The following PTPRM variants were observed in gnomAD, a reference collection of about 807,000 sequenced individuals.
The protein encoded by PTPRM is receptor-type tyrosine-protein phosphatase mu.
Under a neutral mutation model 186.7 loss-of-function variants are expected in PTPRM, and 47 were observed. The observed-to-expected ratio is 0.25, with a 90% CI of 0.20 to 0.32. The LOEUF is 0.32. PTPRM is among the 10% of genes least tolerant of loss of function. The probability of loss-of-function intolerance (pLI) is 1.00; values close to 1 mark genes in which losing one functional copy is unlikely to be tolerated. For synonymous variants in PTPRM, 668 were observed against 674.9 expected, an observed-to-expected ratio of 0.99 and a Z score of 0.16; for missense variants, 1,494 against 1,865.0, an observed-to-expected ratio of 0.80 and a Z score of 3.66.
intron 14 of PTPRM, among the ~76,000 whole-genome samples, chr18:8,185,614 C>A (rs572565164): frequency 2.0e-5 from 3 of 152,158 alleles, no homozygotes; most frequent in Non-Finnish European, 4.4e-5. Context: ...CCGTACAGAG[C>A]GATTTGAACT....
intron 13 of PTPRM, among the ~76,000 whole-genome samples, chr18:8,135,867 G>T (rs1220943285): frequency 6.6e-6 from 1 of 152,178 alleles, no homozygotes; most frequent in Non-Finnish European, 1.5e-5. Context: ...CTTCTAGCAA[G>T]CATACAGAAT....
intron 14 of PTPRM, among the ~76,000 whole-genome samples, chr18:8,214,414 C>T (rs547283940): frequency 6.6e-6 from 1 of 152,238 alleles, no homozygotes; most frequent in South Asian, 2.1e-4. Flanking sequence ...AAAATTTGAG[C>T]AATGGTGTTT....
At chr18:7,652,949 G>A (rs1036368977) in intron 1 of PTPRM, among the ~76,000 whole-genome samples, 3 of 151,566 alleles carry the variant, frequency 2.0e-5, no homozygotes, top group Non-Finnish European at 2.9e-5. Context: ...CCAAATATAC[G>A]ATTCTTAAAA....
intron 14 of PTPRM, among the ~76,000 whole-genome samples, chr18:8,175,904 C>G (rs2093473392): frequency 1.3e-5 from 2 of 152,136 alleles, no homozygotes; most frequent in Admixed American, 1.3e-4. Flanking sequence ...ACTGTCTGCC[C>G]CATGCTGCTG....
Position 7,772,438 on chromosome 18 carries a change from CCCTTCCCCTT to C in PTPRM, c.74-1704_74-1695del, listed in dbSNP as rs1287740177. Reference sequence around the variant, plus strand: ...TTTCTTTCTTTCTCCCTTCCCCTTCCCCTTCCCCTTCCTTCCTTCCTTCCTTCCTTCCTTC... The same window carrying C: ...TTTCTTTCTTTCTCCCTTCCCCTTCCCCTTCCTTCCTTCCTTCCTTCCTTC... On this transcript the variant is annotated intron_variant, in intron 1 of 32. Coordinates refer to ENST00000580170, the MANE Select transcript of PTPRM (RefSeq NM_001105244.2). Among the ~76,000 whole-genome samples, 20 of 124,494 alleles carry C rather than the reference CCCTTCCCCTT, an allele frequency of 1.6e-4. 1 individual carries two copies. Among genetic ancestry groups the C allele is most frequent in the Non-Finnish European group, 2.9e-4 (18 of 62,324 alleles). 81.7% of individuals were successfully genotyped at this position (124,494 alleles called of 152,430 possible).
rs138251214 is a variant in PTPRM, at chr18:7,784,957, G to A, written c.196+10686G>A. On this transcript the variant is annotated intron_variant, in intron 2 of 32. Transcript: ENST00000580170. ...CAAGGGGAAGGCTTCCAGGAGGTGG[G>A]AGCACCCAAGAGGGGCAAGAGAAGG... Among the ~76,000 whole-genome samples the A allele has an allele frequency of 2.9e-3, 447 of 152,282 alleles. 4 individuals carry two copies. The East Asian group carries it at 0.031, about 11-fold the overall frequency.
chr18:8,055,749 G>T (rs762602111), intron 7 of PTPRM, among the ~76,000 whole-genome samples: 5 of 152,192 alleles, frequency 3.3e-5, no homozygotes, highest in African/African-American at 9.7e-5. Context: ...CTATATTTAT[G>T]TATCAGTGTG....
chr18:8,023,159 G>A lies in PTPRM; in HGVS notation c.1133-46527G>A, dbSNP rs141677749. Reference sequence around the variant, plus strand: ...ATTGTAAGTGACAGGGAGGATCGTGGATGGGATAAGCCAGGCTACCCCAGC... The same window carrying A: ...ATTGTAAGTGACAGGGAGGATCGTGAATGGGATAAGCCAGGCTACCCCAGC... On this transcript the variant is annotated intron_variant, in intron 7 of 32. Transcript: ENST00000580170. 3.6e-3 allele frequency among the ~76,000 whole-genome samples: 546 copies of A among 152,226 alleles called. 3 individuals are homozygous for A. The highest frequency in any genetic ancestry group is 6.2e-3 in the Non-Finnish European group (420 of 68,014).
chr18:7,651,837 C>T (rs2038713145), intron 1 of PTPRM, among the ~76,000 whole-genome samples: 1 of 152,098 alleles, frequency 6.6e-6, no homozygotes, highest in South Asian at 2.1e-4. Context: ...AGGACATAGG[C>T]ATGGGCAAGG....
At chr18:8,037,895 G>A (rs2086435561) in intron 7 of PTPRM, among the ~76,000 whole-genome samples, 1 of 152,102 alleles carries the variant, frequency 6.6e-6, no homozygotes, top group African/African-American at 2.4e-5. Flanking sequence ...GATCAGTGAT[G>A]TTTATCTAAT....
rs1285368359 is a variant in PTPRM at position 8,091,519 on chromosome 18, T to C, written c.1856+2668T>C. The stretch of plus-strand genomic sequence containing the variant: ...CATCTTTATTGGAAGGATGCCTATC[T>C]TAAATGGGTAAATCGTGTTGGCACA... On this transcript the variant is annotated intron_variant, in intron 11 of 32. Transcript: ENST00000580170. 2.0e-5 allele frequency among the ~76,000 whole-genome samples: 3 copies of C among 152,256 alleles called. No homozygotes were observed. The East Asian group carries it at 5.8e-4, about 29-fold the overall frequency.
At chr18:7,801,730 C>T (rs1334949803) in intron 2 of PTPRM, among the ~76,000 whole-genome samples, 1 of 152,144 alleles carries the variant, frequency 6.6e-6, no homozygotes, top group Non-Finnish European at 1.5e-5. Flanking sequence ...CACTGCGTTG[C>T]ACTATGATAG....
intron 2 of PTPRM, among the ~76,000 whole-genome samples, chr18:7,866,785 G>A (rs1019022520): frequency 6.6e-6 from 1 of 152,032 alleles, no homozygotes; most frequent in Admixed American, 6.6e-5. Flanking sequence ...TTGACAGTGG[G>A]GTGTTAAAGT....
chr18:7,773,207 T>TAA (rs969828456), intron 1 of PTPRM, among the ~76,000 whole-genome samples: 1 of 152,152 alleles, frequency 6.6e-6, no homozygotes, highest in African/African-American at 2.4e-5. Context: ...TTAAAACTTG[T>TAA]GTGGACTGTA....
intron 1 of PTPRM, among the ~76,000 whole-genome samples, chr18:7,651,418 C>T (rs2038700428): frequency 6.6e-6 from 1 of 151,942 alleles, no homozygotes; most frequent in Admixed American, 6.6e-5. Flanking sequence ...GGTTCATACC[C>T]ACCAAAAAAG....
intron 1 of PTPRM, among the ~76,000 whole-genome samples, chr18:7,681,747 G>A (rs569962201): frequency 2.6e-5 from 4 of 152,176 alleles, no homozygotes; most frequent in South Asian, 4.2e-4. Context: ...TAACAATTCC[G>A]AAGTTCTAAC....
chr18:8,210,385 C>G (rs148109543), intron 14 of PTPRM, among the ~76,000 whole-genome samples: 3 of 152,018 alleles, frequency 2.0e-5, no homozygotes, highest in Non-Finnish European at 4.4e-5. Context: ...GAGAAGGCTG[C>G]GGGAGGACAG....
At chr18:8,390,661 G>A (rs2095805064) in intron 31 of PTPRM, among the ~76,000 whole-genome samples, 1 of 152,192 alleles carries the variant, frequency 6.6e-6, no homozygotes, top group Admixed American at 6.5e-5. Flanking sequence ...CAGCGCAGTG[G>A]CTCACGCCTA....
chr18:8,198,247 G>C (rs2093806425), intron 14 of PTPRM, among the ~76,000 whole-genome samples: 1 of 152,094 alleles, frequency 6.6e-6, no homozygotes. Context: ...CCCAGGCCCA[G>C]GTGATCCTCC....
Sources: gnomAD v4.1 joint callset for allele counts (sites outside exome capture counted in the v4.1 genomes callset) on GRCh38, gnomAD v4.1.1 for gene constraint, MANE v1.5 for transcripts, NCBI Gene and HGNC (gene_info 2026-07-23, HGNC 2026-07-21) for gene names.